The following SSBP3 variants were observed in gnomAD, a reference collection of about 807,000 sequenced individuals.
SSBP3 encodes the protein single stranded DNA binding protein 3, also known as single-stranded DNA-binding protein 3.
In SSBP3, 5 loss-of-function variants were observed where a neutral mutation model predicts 69.6. That is an observed-to-expected ratio of 0.07 (90% confidence interval 0.04 to 0.15). The LOEUF (loss-of-function observed/expected upper bound fraction) is 0.15. SSBP3 is among the 10% of genes least tolerant of loss of function. SSBP3 has a pLI of 1.00. For missense variants in SSBP3, 312 were observed against 534.0 expected (o/e 0.58, Z 4.10); for synonymous variants, 196 against 193.4 (o/e 1.01, Z -0.11).
chr1:54,324,038 G>T (rs1646259147), intron 4 of SSBP3, among the ~76,000 whole-genome samples: 1 of 152,186 alleles, frequency 6.6e-6, no homozygotes, highest in East Asian at 1.9e-4. Context: ...TGAAGAATGT[G>T]TTTTATCCCC....
chr1:54,308,754 C>T (rs925243259), intron 4 of SSBP3, among the ~76,000 whole-genome samples: 6 of 151,680 alleles, frequency 4.0e-5, no homozygotes, highest in African/African-American at 9.7e-5. Context: ...GGTGACAGAG[C>T]GAGACTCAGT....
At chr1:54,411,929 C>A (rs1380524352) in intron 1 of SSBP3, among the ~76,000 whole-genome samples, 1 of 149,374 alleles carries the variant, frequency 6.7e-6, no homozygotes, top group Non-Finnish European at 1.5e-5. Flanking sequence ...AAGGCCCTAT[C>A]CTGGTAGCTG....
At position 54,241,478 on chromosome 1, in the gene SSBP3, T is replaced by C. The variant is rs1367729610; in HGVS notation, c.797A>G (p.Tyr266Cys). The C allele has an allele frequency of 1.9e-6, 3 of 1,613,930 alleles. No homozygotes were observed. The highest frequency in any genetic ancestry group is 1.1e-5 in the South Asian group (1 of 91,078). ...GCCCCAAACCCACACACTTACCACATAGGTACCAGGTGATGAGGAGGAGTA... is the reference window on the plus strand; with the variant it reads ...GCCCCAAACCCACACACTTACCACACAGGTACCAGGTGATGAGGAGGAGTA... Residue 266 changes from tyrosine (Y) to cysteine (C), a missense_variant, in exon 12 of 18, where the codon TAT (tyrosine) becomes TGT (cysteine). Transcript: ENST00000610401.
intron 4 of SSBP3, among the ~76,000 whole-genome samples, chr1:54,327,168 G>A (rs1646320173): frequency 6.6e-6 from 1 of 151,450 alleles, no homozygotes; most frequent in South Asian, 2.1e-4. Context: ...CTCTGAGGGT[G>A]CAGAATGCCC....
At chr1:54,241,095 C>T (rs751383010) in intron 12 of SSBP3, 136 bp from the exon 13 acceptor site, 12 of 949,530 alleles carry the variant, frequency 1.3e-5, no homozygotes, top group East Asian at 2.6e-5. Flanking sequence ...ACACCCCCAG[C>T]GCTCACTCAA....
At chr1:54,289,044 A>AC (rs1645554075) in intron 4 of SSBP3, among the ~76,000 whole-genome samples, 4 of 51,302 alleles carry the variant, frequency 7.8e-5, no homozygotes, top group East Asian at 4.5e-4. Flanking sequence ...AAACAAAAAA[A>AC]CAAAAAAAAA....
intron 4 of SSBP3, chr1:54,356,784 G>A (rs967433815): frequency 5.9e-5 from 9 of 152,210 alleles, no homozygotes; most frequent in African/African-American, 2.2e-4. Flanking sequence ...ACAAGTCATC[G>A]GGTGTCCACT....
chr1:54,332,742 A>T (rs776973853), intron 4 of SSBP3, among the ~76,000 whole-genome samples: 15 of 138,632 alleles, frequency 1.1e-4, no homozygotes, highest in East Asian at 2.6e-4. Context: ...GGAGAAAGAT[A>T]AAAAAAACGG....
intron 14 of SSBP3, chr1:54,237,852 G>A (rs1243008900): frequency 1.9e-5 from 6 of 324,212 alleles, no homozygotes; most frequent in Admixed American, 1.6e-4. Context: ...GTTGCAGCCT[G>A]AGTGATGTGA....
In SSBP3 at chr1:54,316,670, AAATAAAT is replaced by A. The variant is rs1557525455; in HGVS notation, c.277-35150_277-35144del. On this transcript the variant is annotated intron_variant, in intron 4 of 17. Transcript: ENST00000610401. ...CTCAAAAAAAAAAAATAAAATAAATAAATAAATAAATAAATAAATAAATAAATAAATA... is the reference window on the plus strand; with the variant it reads ...CTCAAAAAAAAAAAATAAAATAAATAAAATAAATAAATAAATAAATAAATA... Among the ~76,000 whole-genome samples the A allele has an allele frequency of 2.2e-3, 101 of 46,492 alleles. 13 individuals are homozygous for A. The East Asian group carries it at 0.027, about 13-fold the overall frequency. 30.5% of individuals were successfully genotyped at this position (46,492 alleles called of 152,430 possible).
At chr1:54,335,138 C>T (rs989103757) in intron 4 of SSBP3, among the ~76,000 whole-genome samples, 15 of 152,186 alleles carry the variant, frequency 9.9e-5, no homozygotes, top group African/African-American at 2.7e-4. Flanking sequence ...GCCCAACACC[C>T]GGACACAAGA....
chr1:54,361,389 T>TA (rs1226097649), intron 4 of SSBP3, among the ~76,000 whole-genome samples: 2 of 151,978 alleles, frequency 1.3e-5, no homozygotes, highest in Non-Finnish European at 2.9e-5. Context: ...ATTAAACAGA[T>TA]AGAGGTTTAA....
chr1:54,319,342 A>G (rs1290549382), intron 4 of SSBP3, among the ~76,000 whole-genome samples: 2 of 152,068 alleles, frequency 1.3e-5, no homozygotes, highest in African/African-American at 4.8e-5. Flanking sequence ...CATTAAATGG[A>G]AAGCTCCTCT....
chr1:54,323,249 C>T (rs1318431552), intron 4 of SSBP3, among the ~76,000 whole-genome samples: 3 of 152,132 alleles, frequency 2.0e-5, no homozygotes, highest in African/African-American at 4.8e-5. Flanking sequence ...GCTTCCAGGG[C>T]TTAATCAGTG....
rs1448377511 is a variant in SSBP3 at position 54,228,719 on chromosome 1, G to A, written c.1006+29C>T. The A allele has an allele frequency of 7.0e-6, 11 of 1,562,678 alleles. No homozygotes were observed. The African/African-American group carries it at 1.1e-4, about 15-fold the overall frequency. ...ACAGAGCTGGCTGCCCAGGCAGGGT[G>A]GGGCATGGCGAGGGCAGGGGCCACT... On this transcript the variant is annotated intron_variant, in intron 15 of 17. Transcript: ENST00000610401.
chr1:54,308,710 G>A (rs775228618), intron 4 of SSBP3, among the ~76,000 whole-genome samples: 14 of 152,062 alleles, frequency 9.2e-5, no homozygotes, highest in Non-Finnish European at 1.5e-4. Flanking sequence ...AGAGGCTGCA[G>A]TAAGCCAAGA....
intron 3 of SSBP3, among the ~76,000 whole-genome samples, chr1:54,403,818 C>T (rs531274572): frequency 3.8e-4 from 58 of 152,270 alleles, no homozygotes; most frequent in Middle Eastern, 3.4e-3. Flanking sequence ...CCTAGGGCAA[C>T]TGGCTCCGGC....
chr1:54,412,102 T>G (rs376563888), intron 1 of SSBP3, among the ~76,000 whole-genome samples: 27 of 152,202 alleles, frequency 1.8e-4, no homozygotes, highest in African/African-American at 6.3e-4. Flanking sequence ...AGGTAAAGGC[T>G]TCACTCCCAC....
At chr1:54,366,773 C>A (rs1466286014) in intron 4 of SSBP3, among the ~76,000 whole-genome samples, 1 of 152,162 alleles carries the variant, frequency 6.6e-6, no homozygotes, top group Non-Finnish European at 1.5e-5. Context: ...TATAAAGAAT[C>A]ATGTTAAACT....
Sources: gnomAD v4.1 joint callset for allele counts (sites outside exome capture counted in the v4.1 genomes callset) on GRCh38, gnomAD v4.1.1 for gene constraint, MANE v1.5 for transcripts, NCBI Gene and HGNC (gene_info 2026-07-23, HGNC 2026-07-21) for gene names.